LOC128462377: variants seen among roughly 807,000 people sequenced by gnomAD.
chr16:89,321,805 T>G, the LOC128462377 span, among the ~76,000 whole-genome samples: 17 of 152,198 alleles, frequency 1.1e-4, no homozygotes, highest in African/African-American at 3.9e-4. Context: ...TTGCACTGCG[T>G]GGGTTCACTT....
chr16:89,362,446 G>C, the LOC128462377 span, among the ~76,000 whole-genome samples: 7 of 152,332 alleles, frequency 4.6e-5, no homozygotes, highest in African/African-American at 1.7e-4. Context: ...ACAGAATGAA[G>C]TGAACAGCAC....
At chr16:89,331,575 G>A in the LOC128462377 span, among the ~76,000 whole-genome samples, 1 of 152,162 alleles carries the variant, frequency 6.6e-6, no homozygotes, top group Non-Finnish European at 1.5e-5. Flanking sequence ...TGGGTGTGTG[G>A]TGACACTGAG....
chr16:89,383,261 C>T, the LOC128462377 span, among the ~76,000 whole-genome samples: 55 of 152,284 alleles, frequency 3.6e-4, no homozygotes, highest in East Asian at 9.5e-3. Flanking sequence ...TCAAGATAAC[C>T]GGCTCTGCCA....
At chr16:89,317,188 CT>C in the LOC128462377 span, 3 of 821,078 alleles carry the variant, frequency 3.7e-6, no homozygotes, top group Non-Finnish European at 6.0e-6. Context: ...GGCAGCTGCT[CT>C]GATCAGGGCT....
chr16:89,380,045 C>T, the LOC128462377 span, among the ~76,000 whole-genome samples: 1 of 152,196 alleles, frequency 6.6e-6, no homozygotes, highest in Non-Finnish European at 1.5e-5. Context: ...ATATATGAAG[C>T]TCCTCTGCCA....
At chr16:89,376,437 GTTTTGT>G in the LOC128462377 span, among the ~76,000 whole-genome samples, 4 of 152,088 alleles carry the variant, frequency 2.6e-5, no homozygotes, top group Admixed American at 2.6e-4. Flanking sequence ...CCTGAACAGG[GTTTTGT>G]TTTTGTTTTT....
chr16:89,391,227 C>CAAAAAAA, the LOC128462377 span, among the ~76,000 whole-genome samples: 1 of 95,338 alleles, frequency 1.0e-5, no homozygotes, highest in Non-Finnish European at 2.2e-5. Context: ...GACTCTGTCT[C>CAAAAAAA]AAAAAAAAAA....
the LOC128462377 span, among the ~76,000 whole-genome samples, chr16:89,390,316 T>G: frequency 1.4e-3 from 123 of 89,992 alleles, no homozygotes; most frequent in East Asian, 1.7e-3. Flanking sequence ...GAGTGTGGCG[T>G]GGAGCACAGA....
At chr16:89,379,690 A>C in the LOC128462377 span, among the ~76,000 whole-genome samples, 401 of 152,330 alleles carry the variant, frequency 2.6e-3, 4 homozygotes, top group East Asian at 0.013. Context: ...CGCCCCAAGC[A>C]GCACGGAAGA....
At chr16:89,401,800 G>A in the LOC128462377 span, among the ~76,000 whole-genome samples, 1 of 152,160 alleles carries the variant, frequency 6.6e-6, no homozygotes, top group Non-Finnish European at 1.5e-5. Context: ...GAGAACGCTG[G>A]GTGAAGAGGG....
chr16:89,320,451 T>C, the LOC128462377 span: 3 of 152,304 alleles, frequency 2.0e-5, 1 homozygote, highest in Admixed American at 2.0e-4. Flanking sequence ...ACTCACGCCC[T>C]GTGCTGAGCG....
chr16:89,330,805 G>A, the LOC128462377 span, among the ~76,000 whole-genome samples: 1 of 152,076 alleles, frequency 6.6e-6, no homozygotes, highest in Non-Finnish European at 1.5e-5. Flanking sequence ...CTCCACTTCT[G>A]AAGGGAGGCA....
At chr16:89,355,363 G>A in the LOC128462377 span, among the ~76,000 whole-genome samples, 4 of 152,180 alleles carry the variant, frequency 2.6e-5, no homozygotes, top group Non-Finnish European at 5.9e-5. Context: ...CAACACAAAC[G>A]GAGGACGATG....
the LOC128462377 span, among the ~76,000 whole-genome samples, chr16:89,330,810 G>C: frequency 2.0e-5 from 3 of 152,122 alleles, no homozygotes; most frequent in Non-Finnish European, 4.4e-5. Context: ...CTTCTGAAGG[G>C]AGGCAGATCA....
At chr16:89,350,343 C>T in the LOC128462377 span, among the ~76,000 whole-genome samples, 18 of 152,150 alleles carry the variant, frequency 1.2e-4, no homozygotes, top group Non-Finnish European at 2.4e-4. Context: ...GTACCACATC[C>T]AGCCATCTGA....
chr16:89,324,760 C>T, the LOC128462377 span: 3 of 305,912 alleles, frequency 9.8e-6, no homozygotes, highest in South Asian at 2.6e-5. Context: ...CTTGGGCCTT[C>T]GGCCACAGAC....
the LOC128462377 span, among the ~76,000 whole-genome samples, chr16:89,322,470 G>GC: frequency 6.6e-6 from 1 of 152,242 alleles, no homozygotes; most frequent in South Asian, 2.1e-4. Context: ...ATGTGATTCA[G>GC]CCCCTCCCCT....
the LOC128462377 span, among the ~76,000 whole-genome samples, chr16:89,350,641 G>A: frequency 6.6e-6 from 1 of 152,216 alleles, no homozygotes; most frequent in Non-Finnish European, 1.5e-5. Flanking sequence ...CCAGGAAATA[G>A]GATGACATGC....
At chr16:89,387,009 T>C in the LOC128462377 span, among the ~76,000 whole-genome samples, 1 of 151,782 alleles carries the variant, frequency 6.6e-6, no homozygotes, top group Non-Finnish European at 1.5e-5. Context: ...CTGGGTGCTC[T>C]GGAGGCCGCC....
Sources: gnomAD v4.1 joint callset for allele counts (sites outside exome capture counted in the v4.1 genomes callset) on GRCh38, gnomAD v4.1.1 for gene constraint, MANE v1.5 for transcripts.